CREB5: variants seen among roughly 807,000 people sequenced by gnomAD.
CREB5 encodes the protein cyclic AMP-responsive element-binding protein 5.
A neutral mutation model predicts 57.1 loss-of-function variants in CREB5; 19 were observed. That is an observed-to-expected ratio of 0.33 (90% CI 0.23 to 0.49). The LOEUF is 0.49. Ranked by LOEUF, CREB5 falls within the 20% of genes least tolerant of loss-of-function variation. CREB5 has a pLI of 0.99. For synonymous variants in CREB5, 238 were observed against 238.3 expected, an observed-to-expected ratio of 1.00 and a Z score of 0.01; for missense variants, 579 against 671.6, an observed-to-expected ratio of 0.86 and a Z score of 1.52.
chr7:28,808,463 C>CATATTGTG (rs1309957531), intron 8 of CREB5, among the ~76,000 whole-genome samples: 1 of 152,208 alleles, frequency 6.6e-6, no homozygotes, highest in East Asian at 1.9e-4. Context: ...ATGAGTCATC[C>CATATTGTG]ATATTGTGAT....
At chr7:28,550,275 T>C (rs1170859947) in intron 4 of CREB5, among the ~76,000 whole-genome samples, 1 of 152,144 alleles carries the variant, frequency 6.6e-6, no homozygotes, top group East Asian at 1.9e-4. Context: ...TCCCTTGGAA[T>C]ATTTTAGCCC....
intron 1 of CREB5, among the ~76,000 whole-genome samples, chr7:28,478,402 GA>G (rs1200077169): frequency 2.0e-5 from 3 of 151,280 alleles, no homozygotes; most frequent in Admixed American, 6.6e-5. Context: ...CAGGCCAAAA[GA>G]AAAAAATATG....
At chr7:28,768,709 C>A (rs1015166064) in intron 7 of CREB5, among the ~76,000 whole-genome samples, 9 of 152,218 alleles carry the variant, frequency 5.9e-5, no homozygotes, top group African/African-American at 2.2e-4. Flanking sequence ...CACTTCCTGA[C>A]AAGTGTCAAG....
At chr7:28,479,771 A>G (rs1356738229) in intron 1 of CREB5, among the ~76,000 whole-genome samples, 1 of 152,176 alleles carries the variant, frequency 6.6e-6, no homozygotes, top group African/African-American at 2.4e-5. Flanking sequence ...GTCTTTCAAG[A>G]GGAAGTCAGT....
chr7:28,302,231 T>C (rs1785108027), intron 1 of CREB5, among the ~76,000 whole-genome samples: 1 of 152,240 alleles, frequency 6.6e-6, no homozygotes, highest in Admixed American at 6.5e-5. Context: ...TCACATTAAG[T>C]ATTTCATTAA....
intron 7 of CREB5, among the ~76,000 whole-genome samples, chr7:28,789,483 T>A (rs1289875016): frequency 2.0e-5 from 3 of 152,148 alleles, no homozygotes; most frequent in Non-Finnish European, 1.5e-5. Context: ...TTTATTGAGT[T>A]TGAATGGCAA....
At chr7:28,678,984 G>A (rs1421406720) in intron 5 of CREB5, among the ~76,000 whole-genome samples, 5 of 147,012 alleles carry the variant, frequency 3.4e-5, no homozygotes, top group East Asian at 4.1e-4. Context: ...CAATTCCTTA[G>A]TTTAAGCTTG....
At chr7:28,732,770 T>C (rs536137011) in intron 7 of CREB5, among the ~76,000 whole-genome samples, 2 of 151,014 alleles carry the variant, frequency 1.3e-5, no homozygotes, top group Admixed American at 1.3e-4. Flanking sequence ...TGGAAATTTG[T>C]GCCTTGATAG....
chr7:28,392,121 T>G (rs1787230069), intron 1 of CREB5, among the ~76,000 whole-genome samples: 3 of 152,044 alleles, frequency 2.0e-5, no homozygotes, highest in Admixed American at 2.0e-4. Flanking sequence ...GGGGCCTACC[T>G]GAGGGTGGAC....
In CREB5 at chr7:28,412,873, G is replaced by T; in HGVS notation, c.-42G>T. The T allele has an allele frequency of 6.8e-7, 1 of 1,460,266 alleles. No homozygotes were observed. The highest frequency in any genetic ancestry group is 1.6e-5 in the South Asian group (1 of 60,896). 90.5% of individuals were successfully genotyped at this position (1,460,266 alleles called of 1,614,324 possible). A position where few individuals can be genotyped will look rare whatever the true frequency, so the allele number is the denominator to read the frequency against. ...AAAGGAAGAAAAAACTTGATTTGGT[G>T]ACTGCAGGAAGCAACACGTTGCTGC... On this transcript the variant is annotated 5_prime_UTR_variant, in exon 1 of 11. Transcript: ENST00000357727.
At chr7:28,634,386 A>G (rs1211392909) in intron 5 of CREB5, among the ~76,000 whole-genome samples, 2 of 152,212 alleles carry the variant, frequency 1.3e-5, no homozygotes, top group African/African-American at 4.8e-5. Flanking sequence ...ATGCATGTCT[A>G]TCATGTGCTT....
chr7:28,594,664 T>C (rs953896360), intron 5 of CREB5, among the ~76,000 whole-genome samples: 15 of 152,122 alleles, frequency 9.9e-5, no homozygotes, highest in Non-Finnish European at 2.2e-4. Context: ...GAAGAGTAAA[T>C]GGGGAATGGA....
intron 1 of CREB5, among the ~76,000 whole-genome samples, chr7:28,440,880 A>G (rs112553411): frequency 9.8e-5 from 15 of 152,306 alleles, no homozygotes; most frequent in African/African-American, 3.4e-4. Flanking sequence ...GGGAGGTCCA[A>G]GGAGATTGGC....
chr7:28,317,085 A>G (rs1583667047), intron 1 of CREB5, among the ~76,000 whole-genome samples: 1 of 150,938 alleles, frequency 6.6e-6, no homozygotes, highest in South Asian at 2.1e-4. Context: ...TGGCAGAAAT[A>G]CAAAAGGAGA....
chr7:28,673,647 C>T (rs938873959), intron 5 of CREB5, among the ~76,000 whole-genome samples: 47 of 125,702 alleles, frequency 3.7e-4, no homozygotes, highest in Non-Finnish European at 6.3e-4. Context: ...CATGAAGTTT[C>T]TCTCTCTCTC....
chr7:28,338,651 T>C (rs141707076), intron 1 of CREB5, among the ~76,000 whole-genome samples: 224 of 152,284 alleles, frequency 1.5e-3, no homozygotes, highest in African/African-American at 5.3e-3. Context: ...AATTTGACTA[T>C]TGACATCTCT....
intron 5 of CREB5, among the ~76,000 whole-genome samples, chr7:28,677,661 G>C (rs1317680369): frequency 6.6e-6 from 1 of 152,204 alleles, no homozygotes; most frequent in Non-Finnish European, 1.5e-5. Context: ...CCCAAGAAAA[G>C]TATATTCTAA....
At chr7:28,609,393 T>C (rs1017235865) in intron 5 of CREB5, among the ~76,000 whole-genome samples, 1 of 152,156 alleles carries the variant, frequency 6.6e-6, no homozygotes, top group Non-Finnish European at 1.5e-5. Flanking sequence ...CTAGTACTAA[T>C]GTTACATTTA....
At chr7:28,663,716 A>C (rs1489333229) in intron 5 of CREB5, among the ~76,000 whole-genome samples, 4 of 152,144 alleles carry the variant, frequency 2.6e-5, no homozygotes, top group Non-Finnish European at 4.4e-5. Context: ...TGGAAATTTA[A>C]TGTTTGTGAT....
Sources: allele counts gnomAD v4.1 joint callset (sites outside exome capture counted in the v4.1 genomes callset), GRCh38; gene constraint gnomAD v4.1.1; transcripts MANE v1.5; gene names NCBI Gene and HGNC (gene_info 2026-07-23, HGNC 2026-07-21).